EPB41L4A: variants seen among roughly 807,000 people sequenced by gnomAD.
EPB41L4A encodes the protein erythrocyte membrane protein band 4.1 like 4A.
EPB41L4A carries 100 observed loss-of-function variants against 108.6 expected under a neutral mutation model. That is an observed-to-expected ratio of 0.92 (90% confidence interval 0.78 to 1.09). The LOEUF is 1.09. Among genes scored for constraint, EPB41L4A ranks in the 50% least tolerant of loss-of-function variants. The pLI is 0.00. For missense variants in EPB41L4A, 1,030 were observed against 842.7 expected, an observed-to-expected ratio of 1.22 and a Z score of -2.75; for synonymous variants, 319 against 289.0, an observed-to-expected ratio of 1.10 and a Z score of -1.05.
At chr5:112,217,905 G>T (rs896553185) in intron 12 of EPB41L4A, among the ~76,000 whole-genome samples, 7 of 152,092 alleles carry the variant, frequency 4.6e-5, no homozygotes, top group African/African-American at 1.4e-4. Flanking sequence ...TGCATGAAAG[G>T]CCCCCTCCTG....
At chr5:112,202,753 C>T (rs1022852949) in intron 15 of EPB41L4A, among the ~76,000 whole-genome samples, 3 of 151,994 alleles carry the variant, frequency 2.0e-5, no homozygotes, top group Non-Finnish European at 4.4e-5. Flanking sequence ...CTCTGGGAAA[C>T]TAGCAGAAGC....
chr5:112,340,777 T>G (rs1757265688), intron 1 of EPB41L4A, among the ~76,000 whole-genome samples: 1 of 152,240 alleles, frequency 6.6e-6, no homozygotes, highest in Non-Finnish European at 1.5e-5. Flanking sequence ...CGTATATTGT[T>G]GCTCCTATGT....
In EPB41L4A at chr5:112,170,370, C is replaced by G. The variant is rs918914970; in HGVS notation, c.1671-1G>C. 17 of 1,589,016 alleles carry G rather than the reference C, an allele frequency of 1.1e-5. No individual in the cohort carries two copies. The East Asian group carries it at 3.6e-4, about 33-fold the overall frequency. ...TCCGGATGGATCCACAAGTTCTTTT[C>G]TGTAAAGGAATATGCAAGAAAATGA... On this transcript the variant is annotated splice_acceptor_variant, in intron 19 of 22. Transcript: ENST00000261486. LOFTEE classifies it high-confidence loss of function.
chr5:112,284,601 C>T (rs1366445504), intron 2 of EPB41L4A, among the ~76,000 whole-genome samples: 1 of 152,102 alleles, frequency 6.6e-6, no homozygotes, highest in Non-Finnish European at 1.5e-5. Flanking sequence ...GGATGAGATC[C>T]CATTTTGTAG....
At chr5:112,254,749 T>A (rs769302235) in intron 9 of EPB41L4A, among the ~76,000 whole-genome samples, 2 of 152,082 alleles carry the variant, frequency 1.3e-5, no homozygotes, top group African/African-American at 2.4e-5. Flanking sequence ...TATCTCTGTA[T>A]ATCTCAGTCA....
At chr5:112,252,485 AG>A (rs918452207) in intron 9 of EPB41L4A, among the ~76,000 whole-genome samples, 7 of 152,200 alleles carry the variant, frequency 4.6e-5, no homozygotes, top group Non-Finnish European at 1.0e-4. Context: ...GGAAGATATT[AG>A]CCCTAAAATG....
downstream of EPB41L4A, among the ~76,000 whole-genome samples, chr5:112,160,228 T>C (rs1759807279): frequency 6.6e-6 from 1 of 152,142 alleles, no homozygotes; most frequent in Non-Finnish European, 1.5e-5. Flanking sequence ...ACATTTTATG[T>C]GGCAATTGGA....
At chr5:112,413,572 T>C (rs913534668) in intron 1 of EPB41L4A, among the ~76,000 whole-genome samples, 1 of 152,168 alleles carries the variant, frequency 6.6e-6, no homozygotes, top group Non-Finnish European at 1.5e-5. Flanking sequence ...AGGAGACAGA[T>C]GTGTCCAGAA....
chr5:112,294,205 T>G (rs550154287), intron 2 of EPB41L4A, among the ~76,000 whole-genome samples: 18 of 152,364 alleles, frequency 1.2e-4, no homozygotes, highest in South Asian at 2.1e-4. Context: ...CTTTTTCTTT[T>G]TTTTTAAATG....
intron 10 of EPB41L4A, among the ~76,000 whole-genome samples, 167 bp from the exon 11 acceptor site, chr5:112,239,904 C>A (rs975101483): frequency 6.6e-6 from 1 of 152,168 alleles, no homozygotes; most frequent in African/African-American, 2.4e-5. Context: ...GGGAAGAACT[C>A]AATTTTGTTT....
rs749864627 is a variant in EPB41L4A, at chr5:112,168,721, A to AACCTTACTATT, written c.1932+7_1932+17dup. 1.1e-5 allele frequency: 17 copies of AACCTTACTATT among 1,603,970 alleles called. No homozygotes were observed. Among genetic ancestry groups the AACCTTACTATT allele is most frequent in the Non-Finnish European group, 1.5e-5 (17 of 1,171,010 alleles). On this transcript the variant is annotated intron_variant, in intron 22 of 22. Transcript: ENST00000261486. ...TGTCATCAATACAACACCTTCTTCA[A>AACCTTACTATT]ACCTTACTATTACTAACCTGATGAA...
chr5:112,217,516 T>C (rs1052723048), intron 12 of EPB41L4A, among the ~76,000 whole-genome samples: 1 of 152,022 alleles, frequency 6.6e-6, no homozygotes, highest in Non-Finnish European at 1.5e-5. Flanking sequence ...CTGGGCAACA[T>C]AGTGAGACCT....
downstream of EPB41L4A, chr5:112,162,370 G>A (rs556098181): frequency 6.6e-6 from 1 of 152,290 alleles, no homozygotes; most frequent in South Asian, 2.1e-4. Context: ...AAGTTATAAG[G>A]GAGGAGGGGT....
At chr5:112,160,255 T>A (rs748663393), downstream of EPB41L4A, among the ~76,000 whole-genome samples, 1 of 152,140 alleles carries the variant, frequency 6.6e-6, no homozygotes, top group African/African-American at 2.4e-5. Context: ...AAAATTACAC[T>A]CATGGCTCAC....
intron 1 of EPB41L4A, among the ~76,000 whole-genome samples, chr5:112,414,758 C>T (rs1048178982): frequency 6.6e-6 from 1 of 152,102 alleles, no homozygotes; most frequent in African/African-American, 2.4e-5. Flanking sequence ...TAATTTTTTT[C>T]AAGAAAAAGA....
intron 11 of EPB41L4A, among the ~76,000 whole-genome samples, chr5:112,238,104 A>G (rs901380457): frequency 6.6e-6 from 1 of 152,178 alleles, no homozygotes; most frequent in South Asian, 2.1e-4. Context: ...GGATAATTAC[A>G]ATTTTAATAG....
upstream of EPB41L4A, chr5:112,419,580 G>A: frequency 4.4e-6 from 2 of 451,510 alleles, no homozygotes; most frequent in Non-Finnish European, 8.9e-6. Flanking sequence ...CCGCAGCCCC[G>A]GGTCAGATCC....
chr5:112,154,070 A>T (rs1449478514), intron 12 of EPB41L4A, among the ~76,000 whole-genome samples: 1 of 152,354 alleles, frequency 6.6e-6, no homozygotes, highest in African/African-American at 2.4e-5. Flanking sequence ...TATATTGGGA[A>T]GTACTGTAAT....
chr5:112,239,648 A>C lies in EPB41L4A; in HGVS notation c.965+12T>G. The stretch of plus-strand genomic sequence containing the variant: ...ACAAACACATCCCCCCAAGGAAAAA[A>C]ATGTCATTTACCTGTAGCGGTGCTT... On this transcript the variant is annotated intron_variant, in intron 11 of 22. Transcript: ENST00000261486. 1 of 1,564,868 alleles carries C rather than the reference A, an allele frequency of 6.4e-7. No individual in the cohort carries two copies. The highest frequency in any genetic ancestry group is 2.3e-5 in the East Asian group (1 of 42,912).
Sources: allele counts gnomAD v4.1 joint callset (sites outside exome capture counted in the v4.1 genomes callset), GRCh38; gene constraint gnomAD v4.1.1; transcripts MANE v1.5; gene names NCBI Gene and HGNC (gene_info 2026-07-23, HGNC 2026-07-21).